CNTN3: variants seen among roughly 807,000 people sequenced by gnomAD.
The protein encoded by CNTN3 is contactin-3.
In CNTN3, 60 loss-of-function variants were observed where a neutral mutation model predicts 119.1. The ratio of observed to expected loss-of-function variants is 0.50; its 90% CI spans 0.41 to 0.62. CNTN3 has a LOEUF of 0.62. Ranked by LOEUF, CNTN3 falls within the 20% of genes least tolerant of loss-of-function variation. CNTN3 has a pLI of 0.00. For missense variants in CNTN3, 1,101 were observed against 1,242.4 expected (o/e 0.89, Z 1.71); for synonymous variants, 450 against 438.7 (o/e 1.03, Z -0.32).
chr3:74,567,379 T>G (rs563189532), intron 1 of CNTN3, among the ~76,000 whole-genome samples: 2 of 146,396 alleles, frequency 1.4e-5, no homozygotes, highest in South Asian at 2.2e-4. Flanking sequence ...AGGCTTGTTT[T>G]GAACTCCTGG....
Position 74,298,183 on chromosome 3 carries a change from A to G in CNTN3, c.2175T>C (p.Pro725=). ...AACCTTCACCATTCTGTAGTTCTTCAGGGACTGGCTATAAAGGAAAGACAT... is the reference window on the plus strand; with the variant it reads ...AACCTTCACCATTCTGTAGTTCTTCGGGGACTGGCTATAAAGGAAAGACAT... ...SELVITWDPV[P]EELQNGEGFG... is the part of the protein sequence containing the mutation. The change falls in exon 18 of 23, where the codon CCT becomes CCC. Residue 725 remains proline, a synonymous_variant. Transcript: ENST00000263665. 5 of 1,581,266 alleles carry G rather than the reference A, an allele frequency of 3.2e-6. No homozygotes were observed. Among genetic ancestry groups the G allele is most frequent in the Non-Finnish European group, 4.3e-6 (5 of 1,161,870 alleles).
intron 1 of CNTN3, among the ~76,000 whole-genome samples, chr3:74,521,953 G>T (rs1703549368): frequency 6.6e-6 from 1 of 151,690 alleles, no homozygotes; most frequent in African/African-American, 2.4e-5. Flanking sequence ...GTACCACACG[G>T]GGAATTAATG....
intron 3 of CNTN3, among the ~76,000 whole-genome samples, chr3:74,497,750 G>A (rs1346468455): frequency 6.6e-6 from 1 of 151,806 alleles, no homozygotes; most frequent in Admixed American, 6.6e-5. Context: ...CTCAGTAACA[G>A]ATTTTGTTAA....
intron 5 of CNTN3, among the ~76,000 whole-genome samples, chr3:74,378,797 G>A (rs535992934): frequency 6.6e-6 from 1 of 152,304 alleles, no homozygotes; most frequent in South Asian, 2.1e-4. Flanking sequence ...TAGAGATCAA[G>A]TTATGAGCTT....
intron 1 of CNTN3, among the ~76,000 whole-genome samples, chr3:74,566,976 C>G (rs7623062): frequency 0.99 from 151,257 of 152,192 alleles, 75,170 homozygotes; most frequent in Middle Eastern, 1. Context: ...ATTAGAATTT[C>G]AGGAGATATG....
intron 11 of CNTN3, among the ~76,000 whole-genome samples, chr3:74,346,174 A>C (rs1026246006): frequency 1.2e-4 from 19 of 152,282 alleles, no homozygotes; most frequent in African/African-American, 4.3e-4. Context: ...AAGTTTATAA[A>C]ATTATCTAAA....
At chr3:74,342,257 G>A (rs1291474863) in intron 11 of CNTN3, among the ~76,000 whole-genome samples, 2 of 152,050 alleles carry the variant, frequency 1.3e-5, no homozygotes, top group Non-Finnish European at 2.9e-5. Context: ...TCACCCCCAC[G>A]TTATTGGTGA....
In CNTN3 at chr3:74,481,346, T is replaced by C. The variant is rs11920631; in HGVS notation, c.358+5110A>G. Among the ~76,000 whole-genome samples, 1,165 of 151,934 alleles carry C rather than the reference T, an allele frequency of 7.7e-3. 19 individuals are homozygous for C. The highest frequency in any genetic ancestry group is 0.027 in the African/African-American group (1,115 of 41,514). On this transcript the variant is annotated intron_variant, in intron 4 of 22. Coordinates refer to ENST00000263665, the MANE Select transcript of CNTN3 (RefSeq NM_020872.3). The stretch of plus-strand genomic sequence containing the variant: ...AATCATTTATTAAAAAAACTAATCA[T>C]ATGTTGGGCCACAGGAAAAATATCA...
chr3:74,478,944 A>T (rs1575766021), intron 4 of CNTN3, among the ~76,000 whole-genome samples: 3 of 152,236 alleles, frequency 2.0e-5, no homozygotes, highest in African/African-American at 7.2e-5. Flanking sequence ...GAAATTTCAA[A>T]TATAAAAGTC....
intron 5 of CNTN3, among the ~76,000 whole-genome samples, chr3:74,407,822 G>A (rs1701360951): frequency 6.6e-6 from 1 of 152,138 alleles, no homozygotes; most frequent in South Asian, 2.1e-4. Context: ...CTTGATGGTA[G>A]CACTCCTCAG....
intron 1 of CNTN3, among the ~76,000 whole-genome samples, chr3:74,595,142 C>T (rs149729011): frequency 0.23 from 34,139 of 146,592 alleles, 6,451 homozygotes; most frequent in African/African-American, 0.51. Flanking sequence ...TTTGATGCGG[C>T]TGTTTTTTTC....
At chr3:74,447,234 G>A (rs1702064790) in intron 4 of CNTN3, among the ~76,000 whole-genome samples, 1 of 152,190 alleles carries the variant, frequency 6.6e-6, no homozygotes, top group South Asian at 2.1e-4. Context: ...TGTACAGAAA[G>A]GAATACTGTT....
intron 11 of CNTN3, among the ~76,000 whole-genome samples, chr3:74,353,378 A>G (rs1050350232): frequency 1.3e-5 from 2 of 152,254 alleles, no homozygotes; most frequent in African/African-American, 4.8e-5. Context: ...GTGGCCAGTT[A>G]GGAGCATTTC....
chr3:74,277,053 G>C (rs1223303246), intron 20 of CNTN3, among the ~76,000 whole-genome samples: 1 of 152,072 alleles, frequency 6.6e-6, no homozygotes, highest in African/African-American at 2.4e-5. Flanking sequence ...TAAATTCCTG[G>C]AAAGATACAA....
At chr3:74,321,257 T>C (rs1702980813) in intron 13 of CNTN3, among the ~76,000 whole-genome samples, 1 of 152,190 alleles carries the variant, frequency 6.6e-6, no homozygotes, top group Admixed American at 6.5e-5. Flanking sequence ...CCTGTATGTG[T>C]GCCCACTGAT....
chr3:74,367,292 T>C (rs1704221898), intron 8 of CNTN3, among the ~76,000 whole-genome samples: 1 of 152,076 alleles, frequency 6.6e-6, no homozygotes, highest in African/African-American at 2.4e-5. Flanking sequence ...ACTAAAGCAA[T>C]AGTCTACCTC....
intron 13 of CNTN3, among the ~76,000 whole-genome samples, chr3:74,304,955 T>C (rs1421181930): frequency 6.6e-6 from 1 of 152,190 alleles, no homozygotes; most frequent in Non-Finnish European, 1.5e-5. Flanking sequence ...ATTTGTATTA[T>C]TCCTCTTCTA....
intron 1 of CNTN3, among the ~76,000 whole-genome samples, chr3:74,583,683 C>T (rs1050178297): frequency 6.6e-6 from 1 of 152,132 alleles, no homozygotes; most frequent in East Asian, 1.9e-4. Context: ...TGACAAAATG[C>T]ATCAAAGTGA....
At chr3:74,462,735 C>T (rs1702392787) in intron 4 of CNTN3, among the ~76,000 whole-genome samples, 1 of 152,076 alleles carries the variant, frequency 6.6e-6, no homozygotes, top group South Asian at 2.1e-4. Context: ...ATGGTTATAT[C>T]CTATGTTATT....
Sources: gnomAD v4.1 joint callset for allele counts (sites outside exome capture counted in the v4.1 genomes callset) on GRCh38, gnomAD v4.1.1 for gene constraint, MANE v1.5 for transcripts, NCBI Gene and HGNC (gene_info 2026-07-23, HGNC 2026-07-21) for gene names.